TENT2: variants seen among roughly 807,000 people sequenced by gnomAD.
The protein encoded by TENT2 is poly(A) RNA polymerase GLD2.
TENT2 carries 44 observed loss-of-function variants against 72.2 expected under a neutral mutation model. The observed-to-expected ratio is 0.61, with a 90% CI of 0.48 to 0.78. TENT2 has a LOEUF of 0.78. Ranked by LOEUF, TENT2 falls within the 30% of genes least tolerant of loss-of-function variation. The probability of loss-of-function intolerance (pLI) is 0.00; values close to 1 mark genes in which losing one functional copy is unlikely to be tolerated. For synonymous variants in TENT2, 212 were observed against 192.5 expected (o/e 1.10, Z -0.84); for missense variants, 541 against 569.6 (o/e 0.95, Z 0.51).
chr5:79,650,349 C>G (rs1265089559), intron 10 of TENT2, among the ~76,000 whole-genome samples: 1 of 151,936 alleles, frequency 6.6e-6, no homozygotes, highest in South Asian at 2.1e-4. Flanking sequence ...TGTAAAATGT[C>G]ACATTTTCAT....
chr5:79,654,261 G>A (rs1340255499), intron 10 of TENT2, among the ~76,000 whole-genome samples: 3 of 151,970 alleles, frequency 2.0e-5, no homozygotes, highest in East Asian at 3.9e-4. Context: ...GTGAAACCCC[G>A]TCTCTACTAA....
At chr5:79,621,771 A>C (rs1176809619) in intron 3 of TENT2, among the ~76,000 whole-genome samples, 1 of 141,932 alleles carries the variant, frequency 7.0e-6, no homozygotes, top group Non-Finnish European at 1.5e-5. Context: ...AAAAAAAAAA[A>C]ACAAAAAAAA....
intron 3 of TENT2, among the ~76,000 whole-genome samples, chr5:79,622,243 G>A (rs1438838815): frequency 2.6e-5 from 4 of 152,026 alleles, no homozygotes; most frequent in African/African-American, 9.7e-5. Context: ...CAGAGGTTGC[G>A]GTGAGCTGAG....
chr5:79,646,331 G>A (rs192471649), intron 8 of TENT2, among the ~76,000 whole-genome samples: 1 of 152,274 alleles, frequency 6.6e-6, no homozygotes, highest in African/African-American at 2.4e-5. Context: ...TCAAATAGAA[G>A]CACAACATAA....
intron 1 of TENT2, among the ~76,000 whole-genome samples, chr5:79,617,254 A>G (rs934021096): frequency 2.0e-5 from 3 of 151,588 alleles, no homozygotes; most frequent in African/African-American, 7.2e-5. Context: ...ATATATAAAC[A>G]CAAATGTATA....
chr5:79,681,718 T>C (rs934725134), intron 13 of TENT2: 2 of 255,992 alleles, frequency 7.8e-6, no homozygotes, highest in Non-Finnish European at 1.5e-5. Context: ...TCCACATTTA[T>C]GATTTAGACT....
chr5:79,679,784 T>A, intron 13 of TENT2, 114 bp downstream of exon 13: 2 of 546,458 alleles, frequency 3.7e-6, no homozygotes, highest in Non-Finnish European at 5.7e-6. Flanking sequence ...GATTTGTAAG[T>A]CTTTTAGTTT....
At chr5:79,654,270 A>G (rs1796303205) in intron 10 of TENT2, among the ~76,000 whole-genome samples, 1 of 152,108 alleles carries the variant, frequency 6.6e-6, no homozygotes, top group Non-Finnish European at 1.5e-5. Flanking sequence ...CGTCTCTACT[A>G]AAAATACAAA....
chr5:79,643,059 TG>T, intron 7 of TENT2, 149 bp downstream of exon 7: 4 of 1,131,806 alleles, frequency 3.5e-6, no homozygotes, highest in Non-Finnish European at 4.6e-6. Flanking sequence ...TTTTAACTTT[TG>T]ATGAAAAAGA....
chr5:79,645,061 C>G, intron 7 of TENT2, 62 bp from the exon 8 acceptor site: 1 of 1,337,670 alleles, frequency 7.5e-7, no homozygotes, highest in African/African-American at 1.5e-5. Flanking sequence ...AAAAAATGTG[C>G]GTTGGAACAC....
rs80176247 is a variant in TENT2, at chr5:79,668,991, T to C, written c.1171T>C (p.Leu391=). 3.4e-5 allele frequency: 55 copies of C among 1,613,860 alleles called. No individual in the cohort carries two copies. In the African/African-American group the frequency reaches 5.6e-4, roughly 16 times the overall value. ...GAATGAATCAAACCTTGGGGACCTC[T>C]TACTGGGCTTTCTTAAATATTATGC... ...SKNESNLGDL[L]LGFLKYYATE... The change falls in exon 12 of 15, where the codon TTA becomes CTA. Residue 391 remains leucine (L), a synonymous_variant. Transcript: ENST00000453514.
chr5:79,676,313 ATG>A (rs561046247), intron 12 of TENT2, among the ~76,000 whole-genome samples: 63 of 152,214 alleles, frequency 4.1e-4, no homozygotes, highest in African/African-American at 1.4e-3. Flanking sequence ...CACAAAAAGA[ATG>A]GGGCTGGGCA....
chr5:79,687,595 CAA>C lies in TENT2; in HGVS notation c.*2323_*2324del, dbSNP rs1401533506. Among the ~76,000 whole-genome samples the C allele has an allele frequency of 6.6e-6, 1 of 152,158 alleles. No homozygotes were observed. The highest frequency in any genetic ancestry group is 1.5e-5 in the Non-Finnish European group (1 of 68,016). ...TGTATTGTTTAGGGAATAATAATGA[CAA>C]GACAAAAAGTCTATACCTGTTCGGT... On this transcript the variant is annotated 3_prime_UTR_variant, in exon 15 of 15. Coordinates refer to ENST00000453514, the MANE Select transcript of TENT2 (RefSeq NM_001114394.3).
intron 12 of TENT2, among the ~76,000 whole-genome samples, chr5:79,678,555 T>TA (rs987213151): frequency 6.6e-6 from 1 of 152,154 alleles, no homozygotes; most frequent in African/African-American, 2.4e-5. Context: ...TAAACCTTTT[T>TA]AAAAAAATGT....
intron 4 of TENT2, among the ~76,000 whole-genome samples, chr5:79,624,624 A>G (rs1767885608): frequency 6.6e-6 from 1 of 152,086 alleles, no homozygotes; most frequent in African/African-American, 2.4e-5. Context: ...TCTTTATCCC[A>G]TCCTGGACAT....
At chr5:79,634,671 A>G (rs1473070982) in intron 4 of TENT2, among the ~76,000 whole-genome samples, 1 of 152,166 alleles carries the variant, frequency 6.6e-6, no homozygotes, top group Non-Finnish European at 1.5e-5. Context: ...TAGGCTACGT[A>G]TAAGTAAATT....
rs748415859 is a variant in TENT2, at chr5:79,623,319, G to A, written c.295G>A (p.Glu99Lys). The change falls in exon 4 of 15, where the codon GAG becomes AAG. Residue 99 changes from glutamate to lysine, a missense_variant. Physicochemically the swap from Glu to Lys is moderately conservative, Grantham distance 56 (BLOSUM62 1). Transcript: ENST00000453514. ...GCAACGTTTCCATTCACCCCACCAA[G>A]AGCCAACTGTAGTTAACCAGATAGT... ...KRQRFHSPHQ[E>K]PTVVNQIVPL... 5.6e-6 allele frequency: 9 copies of A among 1,613,432 alleles called. No homozygotes were observed. In the South Asian group the frequency reaches 8.8e-5, roughly 16 times the overall value.
chr5:79,634,286 A>G (rs568283321), intron 4 of TENT2, among the ~76,000 whole-genome samples: 4 of 152,046 alleles, frequency 2.6e-5, no homozygotes. Context: ...AAGTTACAAT[A>G]TTTTTTAGGA....
Position 79,688,199 on chromosome 5 carries a change from G to A in TENT2, c.*2926G>A, listed in dbSNP as rs1228475457. On this transcript the variant is annotated 3_prime_UTR_variant, in exon 15 of 15. Coordinates refer to ENST00000453514, the MANE Select transcript of TENT2 (RefSeq NM_001114394.3). ...GCTTACAGTCATATTTAACAACTCT[G>A]TGACTTGCTATAATTAAAAATAAAT... Among the ~76,000 whole-genome samples the A allele has an allele frequency of 6.6e-6, 1 of 152,148 alleles. No homozygotes were observed. The highest frequency in any genetic ancestry group is 1.5e-5 in the Non-Finnish European group (1 of 68,020).
Sources: gnomAD v4.1 joint callset for allele counts (sites outside exome capture counted in the v4.1 genomes callset) on GRCh38, gnomAD v4.1.1 for gene constraint, MANE v1.5 for transcripts, NCBI Gene and HGNC (gene_info 2026-07-23, HGNC 2026-07-21) for gene names.